The following WDFY2 variants were observed in gnomAD, a reference collection of about 807,000 sequenced individuals.
The protein encoded by WDFY2 is WD repeat and FYVE domain-containing protein 2.
In WDFY2, 36 loss-of-function variants were observed where a neutral mutation model predicts 56.4. The observed-to-expected ratio is 0.64, with a 90% CI of 0.49 to 0.84. WDFY2 has a LOEUF of 0.84. Ranked by LOEUF, WDFY2 falls within the 40% of genes least tolerant of loss-of-function variation. The pLI is 0.00. For missense variants in WDFY2, 444 were observed against 512.2 expected, an observed-to-expected ratio of 0.87 and a Z score of 1.29; for synonymous variants, 176 against 183.7, an observed-to-expected ratio of 0.96 and a Z score of 0.34.
chr13:51,619,739 G>A (rs933713960), intron 1 of WDFY2, among the ~76,000 whole-genome samples: 1 of 152,210 alleles, frequency 6.6e-6, no homozygotes, highest in Admixed American at 6.5e-5. Flanking sequence ...GGTTCAGAAT[G>A]ACTCTAGAGC....
intron 1 of WDFY2, among the ~76,000 whole-genome samples, chr13:51,638,865 C>A (rs1190021498): frequency 6.6e-6 from 1 of 152,196 alleles, no homozygotes; most frequent in Non-Finnish European, 1.5e-5. Flanking sequence ...TCAGCCTTAG[C>A]TCAAGCTCAA....
At chr13:51,757,156 ATAAG>A in intron 10 of WDFY2, among the ~76,000 whole-genome samples, 1 of 152,346 alleles carries the variant, frequency 6.6e-6, no homozygotes, top group South Asian at 2.1e-4. Flanking sequence ...CAGTAAAATC[ATAAG>A]TAGTCTTATT....
chr13:51,614,012 C>T (rs897789947), intron 1 of WDFY2, among the ~76,000 whole-genome samples: 2 of 151,598 alleles, frequency 1.3e-5, no homozygotes, highest in African/African-American at 4.8e-5. Flanking sequence ...TAGTGAAACC[C>T]CGTTTCTACT....
intron 3 of WDFY2, among the ~76,000 whole-genome samples, chr13:51,695,180 C>T (rs376117435): frequency 6.6e-6 from 1 of 152,226 alleles, no homozygotes; most frequent in African/African-American, 2.4e-5. Context: ...CTTCTCTCAG[C>T]TCGTCAAAGG....
At position 51,615,753 on chromosome 13, in the gene WDFY2, A is replaced by G. The variant is rs547402702; in HGVS notation, c.137+30929A>G. 4.6e-5 allele frequency among the ~76,000 whole-genome samples: 7 copies of G among 152,296 alleles called. No individual in the cohort carries two copies. The South Asian group carries it at 1.2e-3, about 27-fold the overall frequency. ...AAGTAATATGTATACTCTTTTTGTG[A>G]CACCATGTCTCTTTCTTTTAAAAAA... is the stretch of plus-strand genomic sequence containing the variant. On this transcript the variant is annotated intron_variant, in intron 1 of 11. Coordinates refer to ENST00000298125, the MANE Select transcript of WDFY2 (RefSeq NM_052950.4).
chr13:51,665,929 A>T (rs1288805841), intron 2 of WDFY2, among the ~76,000 whole-genome samples: 1 of 152,220 alleles, frequency 6.6e-6, no homozygotes, highest in Non-Finnish European at 1.5e-5. Context: ...CACCTAATGT[A>T]GCGATGAAAT....
intron 7 of WDFY2, among the ~76,000 whole-genome samples, chr13:51,750,980 C>T (rs777236134): frequency 1.3e-5 from 2 of 152,068 alleles, no homozygotes; most frequent in African/African-American, 2.4e-5. Flanking sequence ...AATGAACATA[C>T]GCTACACATT....
rs1287731869 is a variant in WDFY2 at position 51,766,065 on chromosome 13, T to A, written c.*6296T>A. ...AAAAATGTTTCACATATACACTTTTTATCATTTTAGTGGATGGCAGCCTTA... is the reference window on the plus strand; with the variant it reads ...AAAAATGTTTCACATATACACTTTTAATCATTTTAGTGGATGGCAGCCTTA... On this transcript the variant is annotated 3_prime_UTR_variant, in exon 12 of 12. Transcript: ENST00000298125. 5.9e-5 allele frequency: 9 copies of A among 152,248 alleles called. No homozygotes were observed. The highest frequency in any genetic ancestry group is 2.2e-4 in the African/African-American group (9 of 41,462). 9.4% of individuals were successfully genotyped at this position (152,248 alleles called of 1,614,324 possible).
chr13:51,610,838 A>G (rs1041293234), intron 1 of WDFY2, among the ~76,000 whole-genome samples: 1 of 152,218 alleles, frequency 6.6e-6, no homozygotes, highest in South Asian at 2.1e-4. Flanking sequence ...TTCAGAAATG[A>G]TAGCTGAAAG....
At chr13:51,605,501 A>G (rs1954369661) in intron 1 of WDFY2, among the ~76,000 whole-genome samples, 1 of 152,242 alleles carries the variant, frequency 6.6e-6, no homozygotes, top group Non-Finnish European at 1.5e-5. Context: ...TTGAAAGGTG[A>G]AAGTTCAATA....
intron 4 of WDFY2, among the ~76,000 whole-genome samples, chr13:51,711,038 A>G (rs1243007201): frequency 6.6e-6 from 1 of 152,224 alleles, no homozygotes; most frequent in Non-Finnish European, 1.5e-5. Flanking sequence ...ACTTCAAACT[A>G]TACTACAAGG....
intron 1 of WDFY2, among the ~76,000 whole-genome samples, chr13:51,623,659 A>G (rs529818962): frequency 9.2e-5 from 14 of 152,254 alleles, no homozygotes; most frequent in Non-Finnish European, 2.1e-4. Context: ...TCATTCTATC[A>G]GTCAGTACCA....
intron 1 of WDFY2, among the ~76,000 whole-genome samples, chr13:51,609,361 T>G (rs951519459): frequency 6.6e-6 from 1 of 152,266 alleles, no homozygotes; most frequent in Admixed American, 6.5e-5. Flanking sequence ...CTCAAAAGAT[T>G]AGATTTGTGA....
intron 3 of WDFY2, among the ~76,000 whole-genome samples, chr13:51,682,824 G>A (rs1956000839): frequency 6.6e-6 from 1 of 152,166 alleles, no homozygotes; most frequent in African/African-American, 2.4e-5. Flanking sequence ...GGAAGCCTTG[G>A]TTAAAGTCTA....
At chr13:51,658,604 T>A (rs560282024) in intron 1 of WDFY2, among the ~76,000 whole-genome samples, 21 of 152,358 alleles carry the variant, frequency 1.4e-4, no homozygotes, top group South Asian at 1.0e-3. Flanking sequence ...TCTGTGATAT[T>A]ACTCTGGTAT....
chr13:51,611,444 C>G (rs1289395984), intron 1 of WDFY2, among the ~76,000 whole-genome samples: 2 of 152,022 alleles, frequency 1.3e-5, no homozygotes, highest in Non-Finnish European at 2.9e-5. Context: ...GAGATTTTGC[C>G]TCAGCATACA....
In WDFY2 at chr13:51,708,342, AT is replaced by A. The variant is rs1415959742; in HGVS notation, c.334+4693del. On this transcript the variant is annotated intron_variant, in intron 4 of 11. Transcript: ENST00000298125. ...CCCCATCTCTAAAAAAAAAAAAAAA[AT>A]ACCAATTAGCCTGTAGTCTCAGCTA... is the stretch of plus-strand genomic sequence containing the variant. Among the ~76,000 whole-genome samples the A allele has an allele frequency of 3.0e-4, 41 of 137,392 alleles. No individual in the cohort carries two copies. The East Asian group carries it at 8.4e-3, about 28-fold the overall frequency. 90.1% of individuals were successfully genotyped at this position (137,392 alleles called of 152,430 possible).
rs1953570096 is a variant in WDFY2 at position 51,761,152 on chromosome 13, C to T, written c.*1383C>T. The T allele has an allele frequency of 2.0e-5, 3 of 152,070 alleles. No individual in the cohort carries two copies. Among genetic ancestry groups the T allele is most frequent in the Non-Finnish European group, 4.4e-5 (3 of 68,014 alleles). 9.4% of individuals were successfully genotyped at this position (152,070 alleles called of 1,614,324 possible). A position where few individuals can be genotyped will look rare whatever the true frequency, so the allele number is the denominator to read the frequency against. ...CACTTTGCACACTTTCTTACTAAAA[C>T]GGTATGTGGGTGGTCCGAGACAGAA... On this transcript the variant is annotated 3_prime_UTR_variant, in exon 12 of 12. Transcript: ENST00000298125.
intron 5 of WDFY2, among the ~76,000 whole-genome samples, chr13:51,720,577 A>T (rs1399729176): frequency 6.6e-6 from 1 of 152,264 alleles, no homozygotes; most frequent in Non-Finnish European, 1.5e-5. Context: ...AGCTGGAAGC[A>T]CTTAGTGTTA....
Sources: allele counts gnomAD v4.1 joint callset (sites outside exome capture counted in the v4.1 genomes callset), GRCh38; gene constraint gnomAD v4.1.1; transcripts MANE v1.5; gene names NCBI Gene and HGNC (gene_info 2026-07-23, HGNC 2026-07-21).